STON2: variants seen among roughly 807,000 people sequenced by gnomAD.
The protein encoded by STON2 is stonin-2.
STON2 carries 29 observed loss-of-function variants against 65.7 expected under a neutral mutation model. That is an observed-to-expected ratio of 0.44 (90% CI 0.33 to 0.60). The LOEUF (loss-of-function observed/expected upper bound fraction) is 0.60, where lower values mean the gene tolerates loss of function less well. Ranked by LOEUF, STON2 falls within the 20% of genes least tolerant of loss-of-function variation. STON2 has a pLI of 0.03. For missense variants in STON2, 1,054 were observed against 1,118.1 expected (o/e 0.94, Z 0.82); for synonymous variants, 404 against 414.2 (o/e 0.98, Z 0.30).
intron 5 of STON2, among the ~76,000 whole-genome samples, chr14:81,303,225 A>C (rs1566898037): frequency 6.6e-6 from 1 of 152,196 alleles, no homozygotes; most frequent in Non-Finnish European, 1.5e-5. Flanking sequence ...TAGTAGACCA[A>C]AATATTTGAA....
intron 4 of STON2, among the ~76,000 whole-genome samples, chr14:81,364,218 C>T (rs1324826217): frequency 1.3e-5 from 2 of 152,086 alleles, no homozygotes; most frequent in Non-Finnish European, 2.9e-5. Context: ...CACTGTGATC[C>T]GTTAAATGCA....
chr14:81,301,230 A>G (rs1051487584), intron 5 of STON2, among the ~76,000 whole-genome samples: 2 of 152,216 alleles, frequency 1.3e-5, no homozygotes, highest in Admixed American at 1.3e-4. Context: ...TTTATTGAAC[A>G]TACTCTATTT....
chr14:81,400,478 CAAAAAAA>C (rs5810028), upstream of STON2, among the ~76,000 whole-genome samples: 2 of 96,698 alleles, frequency 2.1e-5, no homozygotes, highest in South Asian at 7.9e-4. Flanking sequence ...CAGCACCCGT[CAAAAAAA>C]AAAAAAAAAA....
At chr14:81,274,583 T>C (rs755560916) in intron 6 of STON2, among the ~76,000 whole-genome samples, 26 of 152,018 alleles carry the variant, frequency 1.7e-4, no homozygotes, top group Non-Finnish European at 3.1e-4. Context: ...GTTGTCTTGG[T>C]GGTCACGTCA....
At position 81,278,176 on chromosome 14, in the gene STON2, A is replaced by G; in HGVS notation, c.1306T>C (p.Ser436Pro). Residue 436 changes from serine (S) to proline (P), a missense_variant, in exon 6 of 8, where the codon TCT becomes CCT. By Grantham distance (74) the Ser-to-Pro change is moderately conservative. Coordinates refer to ENST00000614646, the MANE Select transcript of STON2 (RefSeq NM_001394390.1). The part of the protein sequence containing the change: ...FDDSSKTQSH[S>P]DAVEKLKQLQ... ...TGTTTGAGTTTTTCAACAGCATCAG[A>G]GTGTGACTGGGTTTTGCTTGAATCA... 1 of 1,614,216 alleles carries G rather than the reference A, an allele frequency of 6.2e-7. No homozygotes were observed. The highest frequency in any genetic ancestry group is 8.5e-7 in the Non-Finnish European group (1 of 1,180,038).
At chr14:81,355,293 C>A (rs1898180510) in intron 4 of STON2, among the ~76,000 whole-genome samples, 1 of 152,002 alleles carries the variant, frequency 6.6e-6, no homozygotes, top group Non-Finnish European at 1.5e-5. Flanking sequence ...ACAGGAAGTG[C>A]AGAAGTCTCC....
At position 81,276,797 on chromosome 14, in the gene STON2, C is replaced by A. The variant is rs1051493351; in HGVS notation, c.2581+104G>T. 5 of 1,370,964 alleles carry A rather than the reference C, an allele frequency of 3.6e-6. No individual in the cohort carries two copies. In the African/African-American group the frequency reaches 5.8e-5, roughly 16 times the overall value. The allele number at this position is 1,370,964 out of a possible 1,614,324, so 84.9% of individuals were successfully genotyped here. On this transcript the variant is annotated intron_variant, in intron 6 of 7. Transcript: ENST00000614646. ...TCCCACTCCCCCTCCATCACCACTCCCATCACACAGCAAAAACAAGCACTT... is the reference window on the plus strand; with the variant it reads ...TCCCACTCCCCCTCCATCACCACTCACATCACACAGCAAAAACAAGCACTT...
chr14:81,395,991 TG>T lies in STON2; in HGVS notation c.275del (p.Pro92HisfsTer37), dbSNP rs751018392. 6.2e-7 allele frequency: 1 copy of T among 1,614,110 alleles called. No individual in the cohort carries two copies. Among genetic ancestry groups the T allele is most frequent in the Non-Finnish European group, 8.5e-7 (1 of 1,179,996 alleles). ...TGCTGATGGCCGAGGCCAGGTCAGGTGGGGGCTGCTCAGGGCTCCCAGGTGG... is the reference window on the plus strand; with the variant it reads ...TGCTGATGGCCGAGGCCAGGTCAGGTGGGGCTGCTCAGGGCTCCCAGGTGG... ...ASPPGSPEQP[P>X]PDLASAISNW... is the part of the protein sequence containing the mutation. On this transcript the variant is annotated frameshift_variant, in exon 3 of 8. Transcript: ENST00000614646. LOFTEE classifies it high-confidence loss of function.
intron 5 of STON2, among the ~76,000 whole-genome samples, chr14:81,314,273 C>T (rs891985476): frequency 1.3e-5 from 2 of 152,242 alleles, no homozygotes; most frequent in African/African-American, 2.4e-5. Flanking sequence ...ACTACACTGG[C>T]ACAAGAACGG....
intron 4 of STON2, among the ~76,000 whole-genome samples, chr14:81,342,926 C>T (rs1897670915): frequency 6.6e-6 from 1 of 152,162 alleles, no homozygotes; most frequent in Non-Finnish European, 1.5e-5. Context: ...GTCACTTCCA[C>T]CTGCTTTCCA....
At chr14:81,366,179 C>T (rs922878019) in intron 4 of STON2, among the ~76,000 whole-genome samples, 1 of 152,198 alleles carries the variant, frequency 6.6e-6, no homozygotes, top group African/African-American at 2.4e-5. Flanking sequence ...TGTTTGCCTT[C>T]CTACTAATTA....
chr14:81,264,492 T>C lies in STON2; in HGVS notation c.*3922A>G. ...CCTCCTGGCAAGCATTTAAGGTGGCTGAACCCTATTATATTCCAAGCTTTG... is the reference window on the plus strand; with the variant it reads ...CCTCCTGGCAAGCATTTAAGGTGGCCGAACCCTATTATATTCCAAGCTTTG... On this transcript the variant is annotated 3_prime_UTR_variant, in exon 8 of 8. Coordinates refer to ENST00000614646, the MANE Select transcript of STON2 (RefSeq NM_001394390.1). 1.0e-6 allele frequency: 1 copy of C among 985,468 alleles called. No individual in the cohort carries two copies. The highest frequency in any genetic ancestry group is 1.1e-4 in the East Asian group (1 of 8,816). 61.0% of individuals were successfully genotyped at this position (985,468 alleles called of 1,614,324 possible).
intron 1 of STON2, among the ~76,000 whole-genome samples, chr14:81,429,761 C>T (rs930806246): frequency 1.3e-5 from 2 of 151,976 alleles, no homozygotes; most frequent in African/African-American, 4.8e-5. Flanking sequence ...TGGTGAAACC[C>T]CATCTCTACT....
chr14:81,330,611 C>T (rs1316747052), intron 4 of STON2, among the ~76,000 whole-genome samples: 1 of 152,146 alleles, frequency 6.6e-6, no homozygotes, highest in African/African-American at 2.4e-5. Flanking sequence ...TGAATCTTGC[C>T]AAAGCTCCAA....
At chr14:81,352,184 ATAC>A (rs2140317862) in intron 4 of STON2, among the ~76,000 whole-genome samples, 1 of 152,268 alleles carries the variant, frequency 6.6e-6, no homozygotes, top group African/African-American at 2.4e-5. Flanking sequence ...ATTATGGTTA[ATAC>A]TACTACTAAT....
chr14:81,424,813 C>T (rs12589750), intron 2 of STON2, among the ~76,000 whole-genome samples: 6,091 of 152,162 alleles, frequency 0.04, 355 homozygotes, highest in East Asian at 0.17. Flanking sequence ...TCTGAAAGAC[C>T]AAAAGAAAAA....
chr14:81,331,806 C>T (rs1450213450), intron 4 of STON2, among the ~76,000 whole-genome samples: 1 of 152,224 alleles, frequency 6.6e-6, no homozygotes, highest in Admixed American at 6.5e-5. Flanking sequence ...GGAGCCCACA[C>T]ATCCTAGCCT....
intron 3 of STON2, among the ~76,000 whole-genome samples, chr14:81,386,433 C>T (rs1899809658): frequency 6.6e-6 from 1 of 152,132 alleles, no homozygotes; most frequent in Admixed American, 6.5e-5. Flanking sequence ...AGCTGTCACC[C>T]CTGCCTCCCT....
At chr14:81,272,845 T>C (rs965941406) in intron 6 of STON2, among the ~76,000 whole-genome samples, 2 of 152,218 alleles carry the variant, frequency 1.3e-5, no homozygotes, top group Non-Finnish European at 2.9e-5. Flanking sequence ...CTGAATGAAC[T>C]AGATATTAAT....
Sources: allele counts gnomAD v4.1 joint callset (sites outside exome capture counted in the v4.1 genomes callset), GRCh38; gene constraint gnomAD v4.1.1; transcripts MANE v1.5; gene names NCBI Gene and HGNC (gene_info 2026-07-23, HGNC 2026-07-21).